SIK3: variants seen among roughly 807,000 people sequenced by gnomAD.
SIK3 encodes the protein serine/threonine-protein kinase SIK3.
In SIK3, 28 loss-of-function variants were observed where a neutral mutation model predicts 144.2. The observed-to-expected ratio is 0.19, with a 90% confidence interval of 0.14 to 0.27. SIK3 has a LOEUF of 0.27. Ranked by LOEUF, SIK3 falls within the 10% of genes least tolerant of loss-of-function variation. The probability of loss-of-function intolerance (pLI) is 1.00; values close to 1 mark genes in which losing one functional copy is unlikely to be tolerated. For missense variants in SIK3, 1,319 were observed against 1,776.0 expected (o/e 0.74, Z 4.62); for synonymous variants, 686 against 676.3 (o/e 1.01, Z -0.22).
chr11:116,902,916 T>C (rs1380956575), intron 4 of SIK3, among the ~76,000 whole-genome samples: 1 of 152,192 alleles, frequency 6.6e-6, no homozygotes, highest in Non-Finnish European at 1.5e-5. Flanking sequence ...CTTTTCAATA[T>C]ACATATTATT....
At chr11:116,912,982 A>C (rs531696336) in intron 4 of SIK3, among the ~76,000 whole-genome samples, 2 of 152,344 alleles carry the variant, frequency 1.3e-5, no homozygotes, top group African/African-American at 2.4e-5. Flanking sequence ...GCTAATAAGG[A>C]ATTAAATCTG....
intron 4 of SIK3, among the ~76,000 whole-genome samples, chr11:116,924,764 G>A (rs749836781): frequency 1.3e-5 from 2 of 152,178 alleles, no homozygotes; most frequent in African/African-American, 4.8e-5. Flanking sequence ...GGTGGGGGCT[G>A]GGGGTGTCCT....
chr11:117,013,478 C>CA (rs989936925), intron 1 of SIK3, among the ~76,000 whole-genome samples: 33 of 151,858 alleles, frequency 2.2e-4, no homozygotes, highest in Non-Finnish European at 3.4e-4. Context: ...AACTCCATTT[C>CA]AAAAAAACAT....
chr11:116,929,080 G>C (rs1947450395), intron 3 of SIK3, among the ~76,000 whole-genome samples: 1 of 152,136 alleles, frequency 6.6e-6, no homozygotes, highest in Non-Finnish European at 1.5e-5. Flanking sequence ...ACAACACGAA[G>C]TCCAAACTAG....
At chr11:116,945,149 C>T (rs190098151) in intron 3 of SIK3, among the ~76,000 whole-genome samples, 88 of 151,996 alleles carry the variant, frequency 5.8e-4, no homozygotes, top group African/African-American at 1.7e-3. Context: ...TTAGTAGAGA[C>T]AGGGTTTCAC....
chr11:116,995,388 C>T (rs1218065999), intron 1 of SIK3, among the ~76,000 whole-genome samples: 2 of 151,906 alleles, frequency 1.3e-5, no homozygotes, highest in African/African-American at 4.8e-5. Context: ...CTCAGCCTCC[C>T]GAGTAGCTAG....
At chr11:116,945,684 A>T (rs1948555847) in intron 3 of SIK3, among the ~76,000 whole-genome samples, 1 of 151,940 alleles carries the variant, frequency 6.6e-6, no homozygotes, top group South Asian at 2.1e-4. Flanking sequence ...TGTCCTGTAA[A>T]CTCTAAACAG....
At chr11:117,001,788 T>C (rs1189096982) in intron 1 of SIK3, among the ~76,000 whole-genome samples, 4 of 152,200 alleles carry the variant, frequency 2.6e-5, no homozygotes, top group Admixed American at 6.5e-5. Flanking sequence ...ATGATTACAA[T>C]AGTCTTCTAA....
intron 1 of SIK3, among the ~76,000 whole-genome samples, chr11:116,972,330 T>C (rs1192890090): frequency 6.6e-6 from 1 of 152,162 alleles, no homozygotes; most frequent in Non-Finnish European, 1.5e-5. Flanking sequence ...GTAGATTTTA[T>C]GGTAATGAGT....
At chr11:117,087,021 G>A (rs947514028) in intron 1 of SIK3, among the ~76,000 whole-genome samples, 1 of 151,302 alleles carries the variant, frequency 6.6e-6, no homozygotes, top group Non-Finnish European at 1.5e-5. Flanking sequence ...AAAATCAATG[G>A]TTTGGGTGAT....
Position 117,093,703 on chromosome 11 carries a change from A to G in SIK3, c.273+4440T>C, listed in dbSNP as rs148683461. ...AAAAAAAAAAGTTTAACTAATGAAA[A>G]TTTATGTTTTAAAATGCTGATTTCA... On this transcript the variant is annotated intron_variant, in intron 1 of 24. Transcript: ENST00000445177. 4.1e-3 allele frequency among the ~76,000 whole-genome samples: 620 copies of G among 152,214 alleles called. 4 individuals are homozygous for G. Among genetic ancestry groups the G allele is most frequent in the African/African-American group, 0.015 (605 of 41,536 alleles).
intron 14 of SIK3, 140 bp downstream of exon 14, chr11:116,870,191 C>T: frequency 1.9e-6 from 3 of 1,544,144 alleles, no homozygotes; most frequent in Non-Finnish European, 2.6e-6. Context: ...TGGGGTGGAA[C>T]ATGCCATCTG....
chr11:116,873,442 CCT>C (rs1944066444), intron 13 of SIK3, 37 bp downstream of exon 13: 1 of 1,613,830 alleles, frequency 6.2e-7, no homozygotes, highest in Non-Finnish European at 8.5e-7. Flanking sequence ...TTATCAAAAG[CCT>C]CTGAGACAGT....
chr11:117,035,895 C>T lies in SIK3; in HGVS notation c.273+62248G>A, dbSNP rs529603150. The stretch of plus-strand genomic sequence containing the variant: ...GTGGAGCAGCCAACACACAAAACTA[C>T]CGTTTGTGCATGGCTAAAGACCGTG... On this transcript the variant is annotated intron_variant, in intron 1 of 24. Transcript: ENST00000445177. 2.8e-5 allele frequency: 45 copies of T among 1,596,440 alleles called. No homozygotes were observed. In the African/African-American group the frequency reaches 5.5e-4, roughly 19 times the overall value.
intron 4 of SIK3, among the ~76,000 whole-genome samples, chr11:116,901,300 C>T (rs925077563): frequency 1.3e-5 from 2 of 152,178 alleles, no homozygotes; most frequent in African/African-American, 4.8e-5. Context: ...GAAAGGGTCA[C>T]GAAATTAAAC....
chr11:116,877,968 A>G (rs1282929136), intron 6 of SIK3, among the ~76,000 whole-genome samples: 4 of 152,222 alleles, frequency 2.6e-5, no homozygotes, highest in Admixed American at 1.3e-4. Context: ...AATAGCAAAA[A>G]CCAGGCACAG....
chr11:116,965,955 G>A (rs1358179049), intron 1 of SIK3, among the ~76,000 whole-genome samples: 1 of 150,066 alleles, frequency 6.7e-6, no homozygotes, highest in Non-Finnish European at 1.5e-5. Flanking sequence ...AGAGGGAAGA[G>A]CAGGAAAGAA....
At chr11:117,063,389 T>C (rs1045206557) in intron 1 of SIK3, among the ~76,000 whole-genome samples, 10 of 152,158 alleles carry the variant, frequency 6.6e-5, no homozygotes. Context: ...TCTTGGTTTC[T>C]CAGAACCACT....
intron 1 of SIK3, among the ~76,000 whole-genome samples, chr11:117,078,358 C>T (rs10082609): frequency 0.39 from 59,432 of 151,442 alleles, 14,793 homozygotes; most frequent in African/African-American, 0.72. Flanking sequence ...AGGAAGGTAA[C>T]GTGTCATGCA....
Sources: allele counts gnomAD v4.1 joint callset (sites outside exome capture counted in the v4.1 genomes callset), GRCh38; gene constraint gnomAD v4.1.1; transcripts MANE v1.5; gene names NCBI Gene and HGNC (gene_info 2026-07-23, HGNC 2026-07-21).